Variants in RPRD2 observed in about 807,000 individuals in gnomAD.
RPRD2 encodes the protein regulation of nuclear pre-mRNA domain-containing protein 2.
Under a neutral mutation model 104.4 loss-of-function variants are expected in RPRD2, and 12 were observed. The ratio of observed to expected loss-of-function variants is 0.11; its 90% confidence interval spans 0.07 to 0.19. RPRD2 has a LOEUF of 0.19. Among genes scored for constraint, RPRD2 ranks in the 10% least tolerant of loss-of-function variants. The pLI is 1.00. For synonymous variants in RPRD2, 714 were observed against 684.9 expected (o/e 1.04, Z -0.66); for missense variants, 1,543 against 1,790.1 (o/e 0.86, Z 2.49).
At chr1:150,412,702 G>A (rs1664027404) in intron 1 of RPRD2, among the ~76,000 whole-genome samples, 1 of 152,108 alleles carries the variant, frequency 6.6e-6, no homozygotes, top group South Asian at 2.1e-4. Flanking sequence ...CGAAATCATT[G>A]ACAGATTTGA....
At chr1:150,450,538 G>A (rs1170287909) in intron 7 of RPRD2, among the ~76,000 whole-genome samples, 10 of 147,900 alleles carry the variant, frequency 6.8e-5, no homozygotes, top group South Asian at 2.2e-4. Context: ...CCCAGGAGGC[G>A]GAGCTTGCAG....
At chr1:150,401,119 G>A (rs192333722) in intron 1 of RPRD2, among the ~76,000 whole-genome samples, 1 of 152,204 alleles carries the variant, frequency 6.6e-6, no homozygotes, top group African/African-American at 2.4e-5. Flanking sequence ...GGAGCTTGCA[G>A]TGAGCCGAGA....
chr1:150,446,831 G>A (rs1478742729), intron 7 of RPRD2, among the ~76,000 whole-genome samples: 1 of 105,778 alleles, frequency 9.5e-6, no homozygotes, highest in Non-Finnish European at 1.9e-5. Context: ...TAAGACCTGG[G>A]TCTTTTTTTT....
intron 2 of RPRD2, among the ~76,000 whole-genome samples, chr1:150,424,170 G>A (rs1287725018): frequency 7.2e-5 from 11 of 152,148 alleles, no homozygotes; most frequent in African/African-American, 2.4e-4. Flanking sequence ...CTTACTTTGT[G>A]TGAAGTCCTA....
intron 1 of RPRD2, among the ~76,000 whole-genome samples, chr1:150,373,294 G>T (rs1386323562): frequency 6.6e-6 from 1 of 152,114 alleles, no homozygotes; most frequent in East Asian, 1.9e-4. Flanking sequence ...GATTACAGGC[G>T]TGAGCCACCA....
At chr1:150,369,623 AT>A (rs61016870) in intron 1 of RPRD2, among the ~76,000 whole-genome samples, 111 of 68,868 alleles carry the variant, frequency 1.6e-3, no homozygotes, top group Middle Eastern at 8.3e-3. Flanking sequence ...CGCCCAGCTA[AT>A]TTTTTTTTTT....
intron 2 of RPRD2, among the ~76,000 whole-genome samples, 173 bp from the exon 3 acceptor site, chr1:150,440,747 AAAT>A (rs1553894264): frequency 6.6e-6 from 1 of 152,186 alleles, no homozygotes; most frequent in Non-Finnish European, 1.5e-5. Flanking sequence ...GTTTAAGTTA[AAAT>A]AATCTTAAAG....
chr1:150,472,267 G>C lies in RPRD2; in HGVS notation c.3319G>C (p.Glu1107Gln), dbSNP rs1211749010. The C allele has an allele frequency of 6.2e-7, 1 of 1,613,796 alleles. No individual in the cohort carries two copies. Among genetic ancestry groups the C allele is most frequent in the African/African-American group, 1.3e-5 (1 of 74,918 alleles). The change falls in exon 11 of 11, where the codon GAG becomes CAG. Residue 1107 changes from glutamate (E) to glutamine (Q), a missense_variant. Around this residue, in one of 4 missense-constraint regions of RPRD2, gnomAD observed 880 missense variants for 885.6 expected, o/e 0.99. Coordinates refer to ENST00000369068, the MANE Select transcript of RPRD2 (RefSeq NM_015203.5). ...RMSGEPIQTVESIRVPGKGNR... is the reference protein window; with the variant it reads ...RMSGEPIQTVQSIRVPGKGNR... ...GTCAGGGGAGCCGATCCAGACCGTA[G>C]AGTCCATCCGAGTTCCTGGGAAGGG...
intron 8 of RPRD2, among the ~76,000 whole-genome samples, chr1:150,458,172 A>C (rs1667671900): frequency 1.3e-5 from 2 of 152,090 alleles, no homozygotes; most frequent in South Asian, 4.1e-4. Flanking sequence ...ATACACATTG[A>C]GGCCAGGTGC....
chr1:150,463,268 T>A (rs1668058020), intron 9 of RPRD2, among the ~76,000 whole-genome samples: 1 of 152,064 alleles, frequency 6.6e-6, no homozygotes, highest in Non-Finnish European at 1.5e-5. Context: ...GGACGTGTAG[T>A]TCACTGTGAT....
At chr1:150,451,344 T>C (rs1186891088) in intron 7 of RPRD2, among the ~76,000 whole-genome samples, 1 of 152,106 alleles carries the variant, frequency 6.6e-6, no homozygotes, top group African/African-American at 2.4e-5. Flanking sequence ...GGCTTGTCCA[T>C]TATAAAGTTT....
At chr1:150,425,225 TTAGC>T (rs1443575678) in intron 2 of RPRD2, among the ~76,000 whole-genome samples, 1 of 152,210 alleles carries the variant, frequency 6.6e-6, no homozygotes, top group East Asian at 1.9e-4. Flanking sequence ...ACAATAAATA[TTAGC>T]TGCTGCTATG....
At chr1:150,386,492 T>C (rs1363891402) in intron 1 of RPRD2, among the ~76,000 whole-genome samples, 2 of 152,162 alleles carry the variant, frequency 1.3e-5, no homozygotes, top group Non-Finnish European at 2.9e-5. Flanking sequence ...TATGTCACTT[T>C]TTACAAAATG....
At chr1:150,435,184 T>C (rs1226911919) in intron 2 of RPRD2, among the ~76,000 whole-genome samples, 3 of 152,228 alleles carry the variant, frequency 2.0e-5, no homozygotes, top group Non-Finnish European at 4.4e-5. Context: ...GTGAACTTAA[T>C]TGATAAATGT....
chr1:150,428,847 C>A (rs1553891031), intron 2 of RPRD2, among the ~76,000 whole-genome samples: 1 of 152,018 alleles, frequency 6.6e-6, no homozygotes, highest in Non-Finnish European at 1.5e-5. Context: ...TCAACTTTCC[C>A]CTTTAAAATA....
intron 10 of RPRD2, among the ~76,000 whole-genome samples, chr1:150,467,566 G>T (rs1447303927): frequency 2.0e-5 from 3 of 151,898 alleles, no homozygotes; most frequent in Non-Finnish European, 2.9e-5. Context: ...TAGACACGGG[G>T]TTTCGCCATG....
rs587718546 is a variant in RPRD2, at chr1:150,410,046, C to G, written c.206-7550C>G. Among the ~76,000 whole-genome samples, 7 of 152,166 alleles carry G rather than the reference C, an allele frequency of 4.6e-5. 1 individual carries two copies. In the South Asian group the frequency reaches 1.4e-3, roughly 32 times the overall value. On this transcript the variant is annotated intron_variant, in intron 1 of 10. Transcript: ENST00000369068. ...GTGATTGAACGAGCCATGAGAAAAACGGGGGAAGAAAGTTCCAGAACAGTG... is the reference window on the plus strand; with the variant it reads ...GTGATTGAACGAGCCATGAGAAAAAGGGGGGAAGAAAGTTCCAGAACAGTG...
At chr1:150,446,479 T>A in intron 7 of RPRD2, 78 bp downstream of exon 7, 2 of 1,216,718 alleles carry the variant, frequency 1.6e-6, no homozygotes, top group Non-Finnish European at 2.3e-6. Flanking sequence ...ATTATCTAAC[T>A]CTGTTAGGAT....
intron 2 of RPRD2, among the ~76,000 whole-genome samples, chr1:150,422,829 T>A (rs1249635627): frequency 6.6e-6 from 1 of 152,222 alleles, no homozygotes; most frequent in Non-Finnish European, 1.5e-5. Flanking sequence ...TGATTTCACT[T>A]GATTAAAAAT....
Sources: allele counts gnomAD v4.1 joint callset (sites outside exome capture counted in the v4.1 genomes callset), GRCh38; gene constraint gnomAD v4.1.1; regional missense constraint gnomAD v4.1.1; transcripts MANE v1.5; gene names NCBI Gene and HGNC (gene_info 2026-07-23, HGNC 2026-07-21).